The following NSD3 variants were observed in gnomAD, a reference collection of about 807,000 sequenced individuals.
NSD3 encodes the protein histone-lysine N-methyltransferase NSD3.
Under a neutral mutation model 160.8 loss-of-function variants are expected in NSD3, and 24 were observed. The ratio of observed to expected loss-of-function variants is 0.15; its 90% CI spans 0.11 to 0.21. NSD3 has a LOEUF of 0.21. NSD3 is among the 10% of genes least tolerant of loss of function. The probability of loss-of-function intolerance (pLI) is 1.00; values close to 1 mark genes in which losing one functional copy is unlikely to be tolerated. For synonymous variants in NSD3, 520 were observed against 600.0 expected (o/e 0.87, Z 1.95); for missense variants, 1,157 against 1,735.9 (o/e 0.67, Z 5.93).
At chr8:38,365,032 G>A (rs1467387434) in intron 1 of NSD3, among the ~76,000 whole-genome samples, 3 of 152,170 alleles carry the variant, frequency 2.0e-5, no homozygotes, top group Non-Finnish European at 4.4e-5. Flanking sequence ...GTCAAAAACT[G>A]ACCACGGAAA....
rs374884732 is a variant in NSD3, at chr8:38,286,304, A to AAC, written c.3501+2181_3501+2182dup. On this transcript the variant is annotated intron_variant, in intron 19 of 23. Transcript: ENST00000317025. ...CTCCTGGCCAACCACATAACAAACAAACACACACACACACACCCCAAAACA... is the reference window on the plus strand; with the variant it reads ...CTCCTGGCCAACCACATAACAAACAAACACACACACACACACACCCCAAAACA... Among the ~76,000 whole-genome samples, 20 of 151,318 alleles carry AAC rather than the reference A, an allele frequency of 1.3e-4. No individual in the cohort carries two copies. In the East Asian group the frequency reaches 1.6e-3, roughly 12 times the overall value.
At chr8:38,366,102 C>T (rs1811098183) in intron 1 of NSD3, among the ~76,000 whole-genome samples, 1 of 130,700 alleles carries the variant, frequency 7.7e-6, no homozygotes, top group African/African-American at 2.9e-5. Flanking sequence ...TAGTGTGAGA[C>T]TCTGTCTCAA....
Position 38,314,691 on chromosome 8 carries a change from G to A in NSD3, c.2198C>T (p.Ala733Val), listed in dbSNP as rs1250944202. The A allele has an allele frequency of 1.2e-6, 2 of 1,614,058 alleles. No individual in the cohort carries two copies. Among genetic ancestry groups the A allele is most frequent in the African/African-American group, 2.7e-5 (2 of 74,932 alleles). ...KHFHLECLGL[A>V]SLPDSKFICM... ...GATGAACTTGCTATCAGGAAGTGAT[G>A]CCAATCCCAGGCACTCCAGGTGAAA... The change falls in exon 12 of 24, where the codon GCA becomes GTA. Residue 733 changes from alanine (A) to valine (V), a missense_variant. This residue lies in a region of NSD3 where 437 missense variants were observed against 576.6 expected (regional missense o/e 0.76). Coordinates refer to ENST00000317025, the MANE Select transcript of NSD3 (RefSeq NM_023034.2).
At chr8:38,337,544 C>A in intron 3 of NSD3, 77 bp from the exon 4 acceptor site, 1 of 1,266,366 alleles carries the variant, frequency 7.9e-7, no homozygotes. Context: ...AAAATGCTAA[C>A]AATGTAATTT....
At chr8:38,368,492 A>C (rs1047177847) in intron 1 of NSD3, among the ~76,000 whole-genome samples, 3 of 152,232 alleles carry the variant, frequency 2.0e-5, no homozygotes, top group East Asian at 1.9e-4. Context: ...ACAACAACAA[A>C]AAAGTGTTTC....
chr8:38,314,627 A>G lies in NSD3; in HGVS notation c.2242+20T>C. The G allele has an allele frequency of 6.2e-7, 1 of 1,613,978 alleles. No homozygotes were observed. The highest frequency in any genetic ancestry group is 8.5e-7 in the Non-Finnish European group (1 of 1,179,952). ...CAATCCCATTCATCTTTTCATGACT[A>G]TCGAAATAAGTCATCTTACCAGTTT... On this transcript the variant is annotated intron_variant, in intron 12 of 23. Transcript: ENST00000317025.
intron 1 of NSD3, among the ~76,000 whole-genome samples, chr8:38,364,489 A>G (rs1313265590): frequency 6.6e-6 from 1 of 152,220 alleles, no homozygotes; most frequent in Non-Finnish European, 1.5e-5. Context: ...CTCCCATTTC[A>G]TTGGCACAGC....
Position 38,272,502 on chromosome 8 carries a change from C to A in NSD3, c.*3139G>T, listed in dbSNP as rs958118960. 6.6e-6 allele frequency: 1 copy of A among 152,312 alleles called. No homozygotes were observed. Among genetic ancestry groups the A allele is most frequent in the South Asian group, 2.1e-4 (1 of 4,832 alleles). 9.4% of individuals were successfully genotyped at this position (152,312 alleles called of 1,614,324 possible). ...GCCACAGGCAGCTCTTCTGATTCTT[C>A]CCTCGCAGCAGTGGCGGTCCAGCCC... On this transcript the variant is annotated 3_prime_UTR_variant, in exon 24 of 24. Transcript: ENST00000317025.
In NSD3 at chr8:38,347,740, A is replaced by T; in HGVS notation, c.432T>A (p.Ile144=). 1 of 1,612,592 alleles carries T rather than the reference A, an allele frequency of 6.2e-7. No individual in the cohort carries two copies. Among genetic ancestry groups the T allele is most frequent in the Non-Finnish European group, 8.5e-7 (1 of 1,180,028 alleles). The change falls in exon 2 of 24, where the codon ATT becomes ATA. Residue 144 remains isoleucine, a synonymous_variant. Transcript: ENST00000317025. ...TTTCAGGTGAGCCAGTCTTCTTTGGAATCACAGTTTGTGGTACCGAAGGAG... is the reference window on the plus strand; with the variant it reads ...TTTCAGGTGAGCCAGTCTTCTTTGGTATCACAGTTTGTGGTACCGAAGGAG... ...PPPPSVPQTV[I]PKKTGSPEIK... is the part of the protein sequence containing the mutation.
In NSD3 at chr8:38,275,676, C is replaced by CT; in HGVS notation, c.4278_4279insA (p.Glu1427ArgfsTer22). 1 of 1,614,174 alleles carries CT rather than the reference C, an allele frequency of 6.2e-7. No individual in the cohort carries two copies. The highest frequency in any genetic ancestry group is 2.2e-5 in the East Asian group (1 of 44,892). On this transcript the variant is annotated frameshift_variant, in exon 24 of 24. Coordinates refer to ENST00000317025, the MANE Select transcript of NSD3 (RefSeq NM_023034.2). LOFTEE classifies it high-confidence loss of function. ...ACTTCTTCTCCATGATCTTGTGATTCCCATTTACATTTTATCTTGCTCCAG... is the reference window on the plus strand; with the variant it reads ...ACTTCTTCTCCATGATCTTGTGATTCTCCATTTACATTTTATCTTGCTCCAG...
At chr8:38,283,655 T>C (rs13264830) in intron 19 of NSD3, among the ~76,000 whole-genome samples, 10,147 of 152,250 alleles carry the variant, frequency 0.067, 444 homozygotes, top group Admixed American at 0.12. Flanking sequence ...GCCTCTTCCT[T>C]TGGTGGCATG....
At chr8:38,340,357 C>G (rs542994786) in intron 2 of NSD3, among the ~76,000 whole-genome samples, 5 of 152,178 alleles carry the variant, frequency 3.3e-5, no homozygotes, top group African/African-American at 1.2e-4. Flanking sequence ...TTTTTTGAGA[C>G]AGAGTCTTAC....
chr8:38,298,052 G>A (rs1193329359), intron 15 of NSD3, among the ~76,000 whole-genome samples: 1 of 152,102 alleles, frequency 6.6e-6, no homozygotes, highest in Non-Finnish European at 1.5e-5. Flanking sequence ...AAAAAAAAAT[G>A]TGAATGGTCC....
intron 16 of NSD3, 27 bp downstream of exon 16, chr8:38,295,769 T>C (rs745929097): frequency 7.5e-6 from 12 of 1,607,634 alleles, no homozygotes; most frequent in Middle Eastern, 1.7e-4. Flanking sequence ...GATTGAATAC[T>C]TCCTCTTTGT....
rs1809746126 is a variant in NSD3 at position 38,319,464 on chromosome 8, T to G, written c.1810-524A>C. 6.6e-6 allele frequency among the ~76,000 whole-genome samples: 1 copy of G among 152,192 alleles called. No homozygotes were observed. The highest frequency in any genetic ancestry group is 1.5e-5 in the Non-Finnish European group (1 of 68,034). On this transcript the variant is annotated intron_variant, in intron 8 of 23. Coordinates refer to ENST00000317025, the MANE Select transcript of NSD3 (RefSeq NM_023034.2). This position sits in a 1 kb window ranked among gnomAD's most constrained non-coding sequence, Gnocchi z 4.1. ...TCCATACAGCTGGAAGCTCAATACTTTTGCTGCTAGTACAAACTTAAGAAA... is the reference window on the plus strand; with the variant it reads ...TCCATACAGCTGGAAGCTCAATACTGTTGCTGCTAGTACAAACTTAAGAAA...
chr8:38,276,190 T>C, intron 23 of NSD3, 106 bp downstream of exon 23: 1 of 1,304,704 alleles, frequency 7.7e-7, no homozygotes, highest in South Asian at 1.4e-5. Context: ...TTCGCTATTG[T>C]TTGTTCTATT....
chr8:38,305,830 C>T (rs960871410), intron 12 of NSD3, among the ~76,000 whole-genome samples: 1 of 152,058 alleles, frequency 6.6e-6, no homozygotes, highest in Non-Finnish European at 1.5e-5. Flanking sequence ...GCAAAATATA[C>T]ATAAAATGAA....
At chr8:38,286,483 A>G (rs1808861304) in intron 19 of NSD3, among the ~76,000 whole-genome samples, 2 of 152,200 alleles carry the variant, frequency 1.3e-5, no homozygotes, top group Non-Finnish European at 2.9e-5. Flanking sequence ...TCCTCAGTAG[A>G]GGACCCAGTT....
chr8:38,311,419 C>T (rs1809533821), intron 12 of NSD3, among the ~76,000 whole-genome samples: 1 of 152,096 alleles, frequency 6.6e-6, no homozygotes, highest in African/African-American at 2.4e-5. Flanking sequence ...CCTCTGCCTC[C>T]GAGGTTCAAC....
Sources: allele counts gnomAD v4.1 joint callset (sites outside exome capture counted in the v4.1 genomes callset), GRCh38; gene constraint gnomAD v4.1.1; regional missense constraint gnomAD v4.1.1; non-coding constraint Gnocchi (gnomAD v3.1); transcripts MANE v1.5; gene names NCBI Gene and HGNC (gene_info 2026-07-23, HGNC 2026-07-21).